TMEM114: variants seen among roughly 807,000 people sequenced by gnomAD.
TMEM114 encodes transmembrane protein 114, also known as claudin-26.
In TMEM114, 6 loss-of-function variants were observed where a neutral mutation model predicts 6.2. The observed-to-expected ratio is 0.97, with a 90% CI of 0.53 to 1.91. The LOEUF is 1.91. TMEM114 is among the 40% of genes most tolerant of loss of function. The pLI, the probability that TMEM114 is intolerant of heterozygous loss-of-function variation, is 0.01. For missense variants in TMEM114, 218 were observed against 158.3 expected, an observed-to-expected ratio of 1.38 and a Z score of -2.02; for synonymous variants, 104 against 73.0, an observed-to-expected ratio of 1.42 and a Z score of -2.16.
At chr16:8,546,721 C>G (rs74649803) in intron 2 of TMEM114, among the ~76,000 whole-genome samples, 2 of 152,064 alleles carry the variant, frequency 1.3e-5, no homozygotes, top group Non-Finnish European at 2.9e-5. Flanking sequence ...CAGATGACCA[C>G]TTGTAATTAT....
At chr16:8,546,508 G>A (rs1407301483) in intron 2 of TMEM114, among the ~76,000 whole-genome samples, 1 of 152,160 alleles carries the variant, frequency 6.6e-6, no homozygotes. Flanking sequence ...GTGCCAACCT[G>A]TTCTCTGTAA....
At chr16:8,579,578 C>G (rs754333907) in intron 2 of TMEM114, among the ~76,000 whole-genome samples, 9 of 152,128 alleles carry the variant, frequency 5.9e-5, no homozygotes, top group Non-Finnish European at 1.2e-4. Flanking sequence ...GACGTGGGTT[C>G]AAATCCTGAC....
At chr16:8,557,802 C>A (rs1169178616) in intron 2 of TMEM114, among the ~76,000 whole-genome samples, 1 of 152,206 alleles carries the variant, frequency 6.6e-6, no homozygotes, top group Non-Finnish European at 1.5e-5. Context: ...CCATCATCAT[C>A]TGGTAACGTG....
chr16:8,563,003 AGTG>A (rs1901326580), intron 2 of TMEM114, among the ~76,000 whole-genome samples: 1 of 147,234 alleles, frequency 6.8e-6, no homozygotes, highest in African/African-American at 2.5e-5. Context: ...TGAATGAGTG[AGTG>A]AATGAATGAG....
chr16:8,529,002 G>C, the TMEM114 span, among the ~76,000 whole-genome samples: 246 of 152,326 alleles, frequency 1.6e-3, 2 homozygotes, highest in African/African-American at 5.7e-3. Context: ...GCTGAGCACA[G>C]GACTATTGAC....
At chr16:8,579,440 T>C (rs903136954) in intron 2 of TMEM114, among the ~76,000 whole-genome samples, 10 of 151,904 alleles carry the variant, frequency 6.6e-5, no homozygotes, top group Admixed American at 5.9e-4. Context: ...GGTAAGGCAG[T>C]AGCTTTTAAA....
chr16:8,533,502 G>T (rs757257895), downstream of TMEM114, among the ~76,000 whole-genome samples: 4 of 152,174 alleles, frequency 2.6e-5, no homozygotes, highest in Admixed American at 6.5e-5. Context: ...CATGGTCACA[G>T]GTTAGTATAT....
chr16:8,535,974 C>G (rs946279648), downstream of TMEM114, among the ~76,000 whole-genome samples: 1 of 152,056 alleles, frequency 6.6e-6, no homozygotes, highest in Non-Finnish European at 1.5e-5. Context: ...GCCTGTAATC[C>G]CAGTACTTTG....
intron 2 of TMEM114, among the ~76,000 whole-genome samples, chr16:8,554,464 C>G (rs1040169436): frequency 1.3e-5 from 2 of 152,136 alleles, no homozygotes; most frequent in African/African-American, 4.8e-5. Flanking sequence ...GAATCTCCTT[C>G]TTGACCTCTC....
At chr16:8,567,876 G>C (rs987833012), downstream of TMEM114, among the ~76,000 whole-genome samples, 2 of 152,146 alleles carry the variant, frequency 1.3e-5, no homozygotes, top group Non-Finnish European at 2.9e-5. Context: ...CAAAAACTTT[G>C]TTTTCCCCAG....
At chr16:8,543,991 T>A (rs1374902287) in intron 2 of TMEM114, among the ~76,000 whole-genome samples, 4 of 152,236 alleles carry the variant, frequency 2.6e-5, no homozygotes, top group African/African-American at 4.8e-5. Context: ...ATCCAATATT[T>A]TCCTTTTTGC....
At chr16:8,537,260 G>C (rs1360434427), downstream of TMEM114, among the ~76,000 whole-genome samples, 3 of 152,122 alleles carry the variant, frequency 2.0e-5, no homozygotes, top group African/African-American at 4.8e-5. Context: ...CAGCACTTTG[G>C]GAGGCCAAGG....
At chr16:8,528,193 G>A in the TMEM114 span, among the ~76,000 whole-genome samples, 1 of 152,020 alleles carries the variant, frequency 6.6e-6, no homozygotes, top group African/African-American at 2.4e-5. Flanking sequence ...GAGCCACCAT[G>A]CCAGAACTAG....
At chr16:8,577,326 G>A (rs149138167) in intron 2 of TMEM114, among the ~76,000 whole-genome samples, 35 of 152,264 alleles carry the variant, frequency 2.3e-4, no homozygotes, top group African/African-American at 8.2e-4. Context: ...TACTGCGCTG[G>A]ACTCAAAAGC....
chr16:8,527,011 C>A, the TMEM114 span, among the ~76,000 whole-genome samples: 3 of 152,282 alleles, frequency 2.0e-5, no homozygotes, highest in South Asian at 6.2e-4. Context: ...AGCTCAAGAC[C>A]AGCCTGGCCA....
chr16:8,565,899 G>A (rs138017425), downstream of TMEM114, among the ~76,000 whole-genome samples: 136 of 152,312 alleles, frequency 8.9e-4, no homozygotes, highest in African/African-American at 3.1e-3. Flanking sequence ...CTAATGTAGA[G>A]CCAGGGTTGA....
At chr16:8,574,652 A>G (rs1901858068) in intron 2 of TMEM114, among the ~76,000 whole-genome samples, 1 of 150,096 alleles carries the variant, frequency 6.7e-6, no homozygotes, top group African/African-American at 2.5e-5. Flanking sequence ...AGCTCATGCA[A>G]AAACCTAGTC....
At chr16:8,555,628 T>G (rs1432443280) in intron 2 of TMEM114, among the ~76,000 whole-genome samples, 1 of 152,200 alleles carries the variant, frequency 6.6e-6, no homozygotes, top group Non-Finnish European at 1.5e-5. Flanking sequence ...CAGTTATATC[T>G]GCTGCCTATC....
At chr16:8,544,916 A>G (rs1900615972) in intron 2 of TMEM114, among the ~76,000 whole-genome samples, 1 of 122,684 alleles carries the variant, frequency 8.2e-6, no homozygotes, top group Non-Finnish European at 1.7e-5. Flanking sequence ...TCTCCTCAAC[A>G]TCTTTCTCTC....
Sources: allele counts gnomAD v4.1 joint callset (sites outside exome capture counted in the v4.1 genomes callset), GRCh38; gene constraint gnomAD v4.1.1; transcripts MANE v1.5; gene names NCBI Gene and HGNC (gene_info 2026-07-23, HGNC 2026-07-21).